GRIK1: variants seen among roughly 807,000 people sequenced by gnomAD.
The protein encoded by GRIK1 is glutamate receptor ionotropic, kainate 1.
Under a neutral mutation model 105.7 loss-of-function variants are expected in GRIK1, and 69 were observed. The observed-to-expected ratio is 0.65, with a 90% CI of 0.54 to 0.80. GRIK1 has a LOEUF of 0.80. Ranked by LOEUF, GRIK1 falls within the 30% of genes least tolerant of loss-of-function variation. The pLI, the probability that GRIK1 is intolerant of heterozygous loss-of-function variation, is 0.00. For synonymous variants in GRIK1, 438 were observed against 431.3 expected (o/e 1.02, Z -0.19); for missense variants, 1,109 against 1,167.3 (o/e 0.95, Z 0.73).
chr21:29,642,035 T>C (rs1290575904), intron 7 of GRIK1, among the ~76,000 whole-genome samples: 1 of 152,184 alleles, frequency 6.6e-6, no homozygotes, highest in Admixed American at 6.5e-5. Flanking sequence ...AATATTAGAA[T>C]AGCATCTCAG....
At chr21:29,867,637 A>G (rs1043358197) in intron 1 of GRIK1, among the ~76,000 whole-genome samples, 1 of 152,004 alleles carries the variant, frequency 6.6e-6, no homozygotes, top group Non-Finnish European at 1.5e-5. Flanking sequence ...TCTACTAAAA[A>G]TACAGAATTA....
At chr21:29,848,779 A>ATATATAT in intron 1 of GRIK1, among the ~76,000 whole-genome samples, 876 of 77,830 alleles carry the variant, frequency 0.011, 14 homozygotes, top group Non-Finnish European at 0.015. Context: ...ATATATATAT[A>ATATATAT]TTTTTTTTTT....
chr21:29,565,537 A>T (rs1340211131), intron 14 of GRIK1, among the ~76,000 whole-genome samples: 1 of 152,148 alleles, frequency 6.6e-6, no homozygotes, highest in Non-Finnish European at 1.5e-5. Flanking sequence ...GGTTCAAATG[A>T]TTCTCCGGCC....
At chr21:29,902,566 C>G (rs147742265) in intron 1 of GRIK1, among the ~76,000 whole-genome samples, 2 of 152,232 alleles carry the variant, frequency 1.3e-5, no homozygotes, top group African/African-American at 4.8e-5. Context: ...GAATCAAATA[C>G]CTAGGAATAC....
At chr21:29,749,764 T>C (rs2065136326) in intron 1 of GRIK1, among the ~76,000 whole-genome samples, 1 of 152,242 alleles carries the variant, frequency 6.6e-6, no homozygotes, top group Non-Finnish European at 1.5e-5. Flanking sequence ...ACTGCTTATA[T>C]ATTTCAACTA....
chr21:29,813,876 A>G (rs2832445), intron 1 of GRIK1, among the ~76,000 whole-genome samples: 2 of 150,250 alleles, frequency 1.3e-5, no homozygotes, highest in African/African-American at 4.9e-5. Context: ...ACTACGTACT[A>G]AACACTGAGG....
chr21:29,850,982 G>A (rs745794505), intron 1 of GRIK1, among the ~76,000 whole-genome samples: 11 of 151,918 alleles, frequency 7.2e-5, no homozygotes, highest in Non-Finnish European at 1.6e-4. Flanking sequence ...TTTTATTACT[G>A]TCAGTCTGTA....
intron 1 of GRIK1, among the ~76,000 whole-genome samples, chr21:29,892,537 A>C (rs1459324972): frequency 6.6e-6 from 1 of 152,218 alleles, no homozygotes; most frequent in East Asian, 1.9e-4. Context: ...TGGGTGAAGA[A>C]TGGATTGGCA....
At chr21:29,912,131 T>A (rs774374260) in intron 1 of GRIK1, among the ~76,000 whole-genome samples, 1 of 151,974 alleles carries the variant, frequency 6.6e-6, no homozygotes, top group African/African-American at 2.4e-5. Flanking sequence ...AAGTTAAAGG[T>A]GACAGAGCAG....
intron 3 of GRIK1, among the ~76,000 whole-genome samples, chr21:29,685,728 G>A (rs1007005256): frequency 6.6e-6 from 1 of 152,096 alleles, no homozygotes; most frequent in Non-Finnish European, 1.5e-5. Context: ...TGGCACCTTG[G>A]CATGCTGACT....
chr21:29,797,381 G>A (rs1255091009), intron 1 of GRIK1, among the ~76,000 whole-genome samples: 1 of 152,178 alleles, frequency 6.6e-6, no homozygotes, highest in Non-Finnish European at 1.5e-5. Flanking sequence ...ATGAATTCCT[G>A]ATGTGACAGG....
intron 1 of GRIK1, 25 bp from the exon 2 acceptor site, chr21:29,694,088 A>G: frequency 7.1e-7 from 1 of 1,411,816 alleles, no homozygotes; most frequent in Non-Finnish European, 1.0e-6. Flanking sequence ...GAGATGCATG[A>G]GAAGCGTTAG....
intron 1 of GRIK1, among the ~76,000 whole-genome samples, chr21:29,851,865 G>A (rs1463146183): frequency 6.6e-6 from 1 of 152,168 alleles, no homozygotes; most frequent in Non-Finnish European, 1.5e-5. Context: ...AATACATGTT[G>A]TTTAGAATCA....
At chr21:29,800,919 C>T (rs531436784) in intron 1 of GRIK1, among the ~76,000 whole-genome samples, 10 of 152,138 alleles carry the variant, frequency 6.6e-5, no homozygotes, top group Non-Finnish European at 7.4e-5. Flanking sequence ...GGGCAAAGGG[C>T]GGTAATTGCT....
chr21:29,537,522 ACCT>A (rs2089899478), intron 17 of GRIK1, 137 bp from the exon 18 acceptor site: 3 of 705,298 alleles, frequency 4.3e-6, no homozygotes, highest in African/African-American at 1.8e-5. Context: ...AGTTCCCATC[ACCT>A]CCTCCTCCAC....
intron 9 of GRIK1, among the ~76,000 whole-genome samples, chr21:29,594,433 G>A (rs568885213): frequency 5.9e-4 from 89 of 152,006 alleles, no homozygotes; most frequent in Non-Finnish European, 1.2e-3. Flanking sequence ...TCCAGGGAGC[G>A]GAACCTCAGT....
intron 1 of GRIK1, among the ~76,000 whole-genome samples, chr21:29,782,354 G>A (rs899480389): frequency 2.0e-5 from 3 of 152,140 alleles, no homozygotes; most frequent in African/African-American, 7.2e-5. Context: ...CCAAAGTGTT[G>A]GGATTACAGG....
intron 1 of GRIK1, among the ~76,000 whole-genome samples, chr21:29,901,229 A>G (rs1244104768): frequency 3.9e-5 from 6 of 152,202 alleles, no homozygotes; most frequent in Admixed American, 3.9e-4. Context: ...TAACATCACA[A>G]TTAAAAAACT....
At chr21:29,682,058 C>A (rs1388196351) in intron 3 of GRIK1, among the ~76,000 whole-genome samples, 1 of 152,234 alleles carries the variant, frequency 6.6e-6, no homozygotes, top group East Asian at 1.9e-4. Flanking sequence ...GGCTTGAACT[C>A]TTCTGGGTCA....
Sources: gnomAD v4.1 joint callset for allele counts (sites outside exome capture counted in the v4.1 genomes callset) on GRCh38, gnomAD v4.1.1 for gene constraint, MANE v1.5 for transcripts, NCBI Gene and HGNC (gene_info 2026-07-23, HGNC 2026-07-21) for gene names.